Variants in RAB11FIP1 observed in about 807,000 individuals in gnomAD.
RAB11FIP1 encodes RAB11 family interacting protein 1.
Under a neutral mutation model 83.1 loss-of-function variants are expected in RAB11FIP1, and 49 were observed. That is an observed-to-expected ratio of 0.59 (90% CI 0.47 to 0.75). RAB11FIP1 has a LOEUF of 0.75. Ranked by LOEUF, RAB11FIP1 falls within the 30% of genes least tolerant of loss-of-function variation. RAB11FIP1 has a pLI of 0.00. For synonymous variants in RAB11FIP1, 670 were observed against 656.0 expected, an observed-to-expected ratio of 1.02 and a Z score of -0.33; for missense variants, 1,536 against 1,598.7, an observed-to-expected ratio of 0.96 and a Z score of 0.67.
In RAB11FIP1 at chr8:37,860,091, C is replaced by T. The variant is rs1356386432; in HGVS notation, c.*2804G>A. 1 of 152,684 alleles carries T rather than the reference C, an allele frequency of 6.5e-6. No individual in the cohort carries two copies. The highest frequency in any genetic ancestry group is 1.5e-5 in the Non-Finnish European group (1 of 68,130). The allele number at this position is 152,684 out of a possible 1,614,324, so 9.5% of individuals were successfully genotyped here. A position where few individuals can be genotyped will look rare whatever the true frequency, so the allele number is the denominator to read the frequency against. ...TGTCCAGAGCTACCAAGTGGCATTT[C>T]AGAGCACAGGAATTTACTCCTCCAC... On this transcript the variant is annotated 3_prime_UTR_variant, in exon 6 of 6. Coordinates refer to ENST00000330843, the MANE Select transcript of RAB11FIP1 (RefSeq NM_001002814.3).
chr8:37,891,906 G>T (rs540124858), intron 1 of RAB11FIP1, among the ~76,000 whole-genome samples: 2 of 152,102 alleles, frequency 1.3e-5, no homozygotes, highest in African/African-American at 2.4e-5. Context: ...GTACTGAGTG[G>T]GTAATCACTT....
rs376076310 is a variant in RAB11FIP1, at chr8:37,871,992, G to A, written c.2810C>T (p.Pro937Leu). Reference protein sequence around the residue: ...ASDHEGLLSDPLSDLQLVSDF... With the variant: ...ASDHEGLLSDLLSDLQLVSDF... ...TGAGACCAACTGAAGGTCACTCAAG[G>A]GGTCAGACAATAAACCTTCGTGGTC... Residue 937 changes from proline to leucine, a missense_variant, in exon 4 of 6, where the codon CCC (proline) becomes CTC (leucine). Transcript: ENST00000330843. 1.2e-6 allele frequency: 2 copies of A among 1,614,006 alleles called. No homozygotes were observed. Among genetic ancestry groups the A allele is most frequent in the Non-Finnish European group, 1.7e-6 (2 of 1,180,046 alleles).
intron 1 of RAB11FIP1, among the ~76,000 whole-genome samples, chr8:37,888,267 C>T (rs565069320): frequency 6.6e-5 from 10 of 152,118 alleles, no homozygotes; most frequent in South Asian, 2.1e-4. Flanking sequence ...CCACTACACC[C>T]GGCTAATTTT....
rs868184932 is a variant in RAB11FIP1, at chr8:37,874,249, C to T, written c.1622+266G>A. Among the ~76,000 whole-genome samples, 6 of 152,236 alleles carry T rather than the reference C, an allele frequency of 3.9e-5. No individual in the cohort carries two copies. In the South Asian group the frequency reaches 6.2e-4, roughly 16 times the overall value. ...ACCCACAATCTGCTACAAACCACTG[C>T]GTTCCACTGAGATCTGATAAGCTGA... On this transcript the variant is annotated intron_variant, in intron 3 of 5. Coordinates refer to ENST00000330843, the MANE Select transcript of RAB11FIP1 (RefSeq NM_001002814.3).
chr8:37,872,602 T>G lies in RAB11FIP1; in HGVS notation c.2200A>C (p.Ser734Arg), dbSNP rs745771717. ...QEVPFALSLS[S>R]DGAVSPVGEL... Reference sequence around the variant, plus strand: ...CCAACAGGGCTCACAGCTCCATCACTGCTGAGTGAAAGGGCAAACGGTACT... The same window carrying G: ...CCAACAGGGCTCACAGCTCCATCACGGCTGAGTGAAAGGGCAAACGGTACT... The change falls in exon 4 of 6, where the codon AGT (serine) becomes CGT (arginine). Residue 734 changes from serine (S) to arginine (R), a missense_variant. Coordinates refer to ENST00000330843, the MANE Select transcript of RAB11FIP1 (RefSeq NM_001002814.3). The G allele has an allele frequency of 1.2e-6, 2 of 1,614,216 alleles. No individual in the cohort carries two copies. Among genetic ancestry groups the G allele is most frequent in the Admixed American group, 3.3e-5 (2 of 60,022 alleles).
At chr8:37,866,697 T>C (rs1387160895) in intron 5 of RAB11FIP1, among the ~76,000 whole-genome samples, 1 of 151,456 alleles carries the variant, frequency 6.6e-6, no homozygotes, top group East Asian at 1.9e-4. Context: ...AAAAACACTG[T>C]AGTAATGATC....
chr8:37,895,492 C>A (rs1807067139), intron 1 of RAB11FIP1, among the ~76,000 whole-genome samples: 1 of 150,054 alleles, frequency 6.7e-6, no homozygotes, highest in Non-Finnish European at 1.5e-5. Flanking sequence ...ATATTGGTCA[C>A]CCGATTCTAC....
At chr8:37,867,599 T>C (rs1235891622) in intron 5 of RAB11FIP1, among the ~76,000 whole-genome samples, 1 of 151,884 alleles carries the variant, frequency 6.6e-6, no homozygotes, top group Non-Finnish European at 1.5e-5. Context: ...CCCAGCTACC[T>C]GGGAGGCTGA....
In RAB11FIP1 at chr8:37,899,403, G is replaced by T; in HGVS notation, c.39C>A (p.Ala13=). The change falls in exon 1 of 6, where the codon GCC becomes GCA. Residue 13 remains alanine, a synonymous_variant. Transcript: ENST00000330843. This position sits in a 1 kb window ranked among gnomAD's most constrained non-coding sequence, Gnocchi z 4.5. ...CCTGCACGTGGGTTGGGGACCACAC[G>T]GCCCCCAGGCCCCGGCCAGCCGAGA... is the stretch of plus-strand genomic sequence containing the variant. ...LMVSAGRGLG[A]VWSPTHVQVT... is the part of the protein sequence containing the mutation. 1 of 1,588,034 alleles carries T rather than the reference G, an allele frequency of 6.3e-7. No individual in the cohort carries two copies.
Position 37,866,080 on chromosome 8 carries a change from A to G in RAB11FIP1, c.3634-2967T>C, listed in dbSNP as rs150768855. ...GCCAGGCATGGTGGCTCACATCTGTAATCCCAGCACTTTGGGAGGCTGAAG... is the reference window on the plus strand; with the variant it reads ...GCCAGGCATGGTGGCTCACATCTGTGATCCCAGCACTTTGGGAGGCTGAAG... On this transcript the variant is annotated intron_variant, in intron 5 of 5. Coordinates refer to ENST00000330843, the MANE Select transcript of RAB11FIP1 (RefSeq NM_001002814.3). Among the ~76,000 whole-genome samples, 919 of 152,334 alleles carry G rather than the reference A, an allele frequency of 6.0e-3. 7 individuals carry two copies. The highest frequency in any genetic ancestry group is 0.021 in the African/African-American group (867 of 41,570).
At chr8:37,895,260 T>TATATATATATATG (rs1232747968) in intron 1 of RAB11FIP1, among the ~76,000 whole-genome samples, 1 of 4,330 alleles carries the variant, frequency 2.3e-4, no homozygotes, top group Non-Finnish European at 3.8e-4. Context: ...TATATATATA[T>TATATATATATATG]TTTTTTTTTT....
At chr8:37,897,915 A>G (rs1048558253) in intron 1 of RAB11FIP1, among the ~76,000 whole-genome samples, 4 of 152,036 alleles carry the variant, frequency 2.6e-5, no homozygotes, top group African/African-American at 9.7e-5. Context: ...CCCTCCCCCA[A>G]CCTCCACCCA....
At chr8:37,868,021 C>CGAA (rs1806376954) in intron 5 of RAB11FIP1, among the ~76,000 whole-genome samples, 1 of 151,932 alleles carries the variant, frequency 6.6e-6, no homozygotes, top group African/African-American at 2.4e-5. Flanking sequence ...TGAGGTAGGA[C>CGAA]GATCACTTGA....
At chr8:37,864,977 C>T (rs531192000) in intron 5 of RAB11FIP1, among the ~76,000 whole-genome samples, 39 of 149,886 alleles carry the variant, frequency 2.6e-4, no homozygotes, top group African/African-American at 9.6e-4. Flanking sequence ...CTCTATGTTG[C>T]CTGGACTGGT....
chr8:37,870,254 T>G (rs1239545862), intron 5 of RAB11FIP1, 166 bp downstream of exon 5: 6 of 468,172 alleles, frequency 1.3e-5, no homozygotes, highest in African/African-American at 2.0e-5. Context: ...AAAGTAATTA[T>G]CCAATGGAAT....
rs180752935 is a variant in RAB11FIP1 at position 37,879,530 on chromosome 8, G to A, written c.372-1979C>T. Reference sequence around the variant, plus strand: ...TGAAAAAGTTCCGGAGATGGATGGCGGTGATGATCACACAACAATGTGAAT... The same window carrying A: ...TGAAAAAGTTCCGGAGATGGATGGCAGTGATGATCACACAACAATGTGAAT... On this transcript the variant is annotated intron_variant, in intron 1 of 5. Coordinates refer to ENST00000330843, the MANE Select transcript of RAB11FIP1 (RefSeq NM_001002814.3). Among the ~76,000 whole-genome samples, 179 of 152,214 alleles carry A rather than the reference G, an allele frequency of 1.2e-3. 1 individual carries two copies. Among genetic ancestry groups the A allele is most frequent in the African/African-American group, 3.3e-3 (135 of 41,530 alleles).
Position 37,860,712 on chromosome 8 carries a change from C to T in RAB11FIP1, c.*2183G>A, listed in dbSNP as rs756539280. On this transcript the variant is annotated 3_prime_UTR_variant, in exon 6 of 6. Transcript: ENST00000330843. Reference sequence around the variant, plus strand: ...TCTTTATAAGTATGTAAATAAATTTCATAGCACTACAAAAATACAAGTCAT... The same window carrying T: ...TCTTTATAAGTATGTAAATAAATTTTATAGCACTACAAAAATACAAGTCAT... 1 of 152,592 alleles carries T rather than the reference C, an allele frequency of 6.6e-6. No homozygotes were observed. The highest frequency in any genetic ancestry group is 1.5e-5 in the Non-Finnish European group (1 of 68,022). 9.5% of individuals were successfully genotyped at this position (152,592 alleles called of 1,614,324 possible). A position where few individuals can be genotyped will look rare whatever the true frequency, so the allele number is the denominator to read the frequency against.
At chr8:37,886,696 C>G (rs368136302) in intron 1 of RAB11FIP1, among the ~76,000 whole-genome samples, 1 of 152,212 alleles carries the variant, frequency 6.6e-6, no homozygotes, top group Non-Finnish European at 1.5e-5. Flanking sequence ...GCAGGAAGAA[C>G]AGAACCACCC....
At chr8:37,868,186 C>G (rs1160979164) in intron 5 of RAB11FIP1, among the ~76,000 whole-genome samples, 2 of 152,168 alleles carry the variant, frequency 1.3e-5, no homozygotes, top group Non-Finnish European at 2.9e-5. Context: ...CTTTTGGAGG[C>G]TGAGGCGGGT....
Sources: gnomAD v4.1 joint callset for allele counts (sites outside exome capture counted in the v4.1 genomes callset) on GRCh38, gnomAD v4.1.1 for gene constraint, Gnocchi (gnomAD v3.1) non-coding constraint, MANE v1.5 for transcripts, NCBI Gene and HGNC (gene_info 2026-07-23, HGNC 2026-07-21) for gene names.